Variants in LRPAP1 observed in about 807,000 individuals in gnomAD.
The protein encoded by LRPAP1 is alpha-2-macroglobulin receptor-associated protein.
Under a neutral mutation model 39.9 loss-of-function variants are expected in LRPAP1, and 41 were observed. The observed-to-expected ratio is 1.03, with a 90% CI of 0.80 to 1.33. LRPAP1 has a LOEUF of 1.33. LRPAP1 is among the 40% of genes most tolerant of loss of function. The pLI is 0.00. For synonymous variants in LRPAP1, 263 were observed against 212.7 expected (o/e 1.24, Z -2.06); for missense variants, 565 against 482.3 (o/e 1.17, Z -1.61).
intron 5 of LRPAP1, among the ~76,000 whole-genome samples, chr4:3,517,379 C>T (rs956601838): frequency 7.9e-5 from 12 of 152,372 alleles, no homozygotes; most frequent in Admixed American, 7.2e-4. Context: ...CATCTCCTGG[C>T]GGCTGCTGTC....
chr4:3,522,816 C>T (rs1334625682), intron 2 of LRPAP1, among the ~76,000 whole-genome samples: 2 of 152,152 alleles, frequency 1.3e-5, no homozygotes, highest in African/African-American at 4.8e-5. Flanking sequence ...CAGAGCAGAG[C>T]AGGGCAGGGC....
intron 1 of LRPAP1, chr4:3,531,913 C>A: frequency 2.0e-6 from 1 of 505,536 alleles, no homozygotes; most frequent in East Asian, 3.6e-5. Context: ...TGGTTCTGTC[C>A]CTACGCTCGG....
Position 3,508,220 on chromosome 4 carries a change from G to C in LRPAP1, c.*4754C>G, listed in dbSNP as rs760040875. 1.3e-5 allele frequency: 2 copies of C among 152,096 alleles called. No individual in the cohort carries two copies. The highest frequency in any genetic ancestry group is 2.9e-5 in the Non-Finnish European group (2 of 68,040). The allele number at this position is 152,096 out of a possible 1,614,324, so 9.4% of individuals were successfully genotyped here. The stretch of plus-strand genomic sequence containing the variant: ...GGGGTTTCACCATGTTGACTAGGTT[G>C]GTCTCAAACTCCTGACCTCAGGTGA... On this transcript the variant is annotated 3_prime_UTR_variant, in exon 8 of 8. Coordinates refer to ENST00000650182, the MANE Select transcript of LRPAP1 (RefSeq NM_002337.4).
At chr4:3,531,390 CAG>C (rs58965095) in intron 1 of LRPAP1, among the ~76,000 whole-genome samples, 15,709 of 152,210 alleles carry the variant, frequency 0.1, 1,015 homozygotes, top group East Asian at 0.24. Flanking sequence ...ACTATTGAGA[CAG>C]AGATCTAATC....
rs557136133 is a variant in LRPAP1, at chr4:3,524,644, C to T, written c.349+263G>A. 2.0e-5 allele frequency among the ~76,000 whole-genome samples: 3 copies of T among 152,376 alleles called. No homozygotes were observed. In the East Asian group the frequency reaches 5.8e-4, roughly 29 times the overall value. ...GCGTAGCCCACAGCACTGAGGCGAG[C>T]AGCCACCATCCCTCATGAGGGTTAG... is the stretch of plus-strand genomic sequence containing the variant. On this transcript the variant is annotated intron_variant, in intron 2 of 7. Transcript: ENST00000650182.
rs1238356930 is a variant in LRPAP1, at chr4:3,510,740, AGCAGATACAC to A, written c.*2224_*2233del. ...GAATCTCAGATGCTGAGCGAATGTA[AGCAGATACAC>A]GCAGACATACACAGACGCACGCAAA... On this transcript the variant is annotated 3_prime_UTR_variant, in exon 8 of 8. Transcript: ENST00000650182. 2 of 152,174 alleles carry A rather than the reference AGCAGATACAC, an allele frequency of 1.3e-5. No homozygotes were observed. The highest frequency in any genetic ancestry group is 3.8e-4 in the East Asian group (2 of 5,202). 9.4% of individuals were successfully genotyped at this position (152,174 alleles called of 1,614,324 possible). A position where few individuals can be genotyped will look rare whatever the true frequency, so the allele number is the denominator to read the frequency against.
At chr4:3,514,994 G>A (rs1729649709) in intron 6 of LRPAP1, 66 bp from the exon 7 acceptor site, 7 of 1,567,546 alleles carry the variant, frequency 4.5e-6, no homozygotes, top group South Asian at 1.1e-5. Context: ...TGTGGTCCCG[G>A]GTGAACTGCA....
At chr4:3,527,430 G>A (rs1000281552) in intron 1 of LRPAP1, among the ~76,000 whole-genome samples, 8 of 150,408 alleles carry the variant, frequency 5.3e-5, no homozygotes, top group African/African-American at 1.5e-4. Context: ...TGCCTCAGGA[G>A]GAGGGGGAGC....
intron 1 of LRPAP1, chr4:3,531,851 A>T: frequency 3.1e-6 from 1 of 322,994 alleles, no homozygotes; most frequent in Non-Finnish European, 5.7e-6. Flanking sequence ...TAGGGAGATA[A>T]GGTTGAGGGA....
At chr4:3,522,840 GC>G (rs910020355) in intron 2 of LRPAP1, among the ~76,000 whole-genome samples, 3 of 152,120 alleles carry the variant, frequency 2.0e-5, no homozygotes, top group Non-Finnish European at 2.9e-5. Flanking sequence ...GTGGAGCGTG[GC>G]CCGTCTGTCT....
At chr4:3,528,271 C>G (rs940158975) in intron 1 of LRPAP1, among the ~76,000 whole-genome samples, 1 of 152,236 alleles carries the variant, frequency 6.6e-6, no homozygotes, top group African/African-American at 2.4e-5. Flanking sequence ...TACATGCAGG[C>G]AAGAAAGCCG....
At position 3,512,256 on chromosome 4, in the gene LRPAP1, A is replaced by C. The variant is rs1178600150; in HGVS notation, c.*718T>G. ...GATGGGGCATTTACACAGCACACTT[A>C]GGGACACGGAGGCCCTGCAGGTTTG... On this transcript the variant is annotated 3_prime_UTR_variant, in exon 8 of 8. Transcript: ENST00000650182. 1 of 152,414 alleles carries C rather than the reference A, an allele frequency of 6.6e-6. No individual in the cohort carries two copies. Among genetic ancestry groups the C allele is most frequent in the Non-Finnish European group, 1.5e-5 (1 of 68,184 alleles). 9.4% of individuals were successfully genotyped at this position (152,414 alleles called of 1,614,324 possible).
chr4:3,531,497 G>A (rs1414514594), intron 1 of LRPAP1, among the ~76,000 whole-genome samples: 2 of 152,122 alleles, frequency 1.3e-5, no homozygotes, highest in Non-Finnish European at 2.9e-5. Context: ...CCTAACAAAT[G>A]AAGCAACCGT....
intron 6 of LRPAP1, among the ~76,000 whole-genome samples, chr4:3,515,622 C>T (rs1729668018): frequency 6.6e-6 from 1 of 152,148 alleles, no homozygotes; most frequent in African/African-American, 2.4e-5. Flanking sequence ...ATGGACTCCC[C>T]ACTCCTCACA....
chr4:3,521,997 A>G (rs751040557), intron 2 of LRPAP1, among the ~76,000 whole-genome samples: 1 of 152,260 alleles, frequency 6.6e-6, no homozygotes, highest in Non-Finnish European at 1.5e-5. Flanking sequence ...TTAAATAAAT[A>G]ATACCGGCTG....
chr4:3,521,510 T>G (rs1366619453), intron 2 of LRPAP1, among the ~76,000 whole-genome samples: 1 of 152,020 alleles, frequency 6.6e-6, no homozygotes, highest in East Asian at 1.9e-4. Context: ...CTGGGGAGTG[T>G]CCCTGCTCGA....
intron 5 of LRPAP1, 169 bp downstream of exon 5, chr4:3,517,865 C>A: frequency 4.2e-6 from 3 of 717,982 alleles, no homozygotes; most frequent in South Asian, 4.8e-5. Context: ...GGAGCAGCTC[C>A]TGGGAGCGAG....
chr4:3,520,463 G>T (rs1032214456), intron 2 of LRPAP1, among the ~76,000 whole-genome samples: 1 of 152,178 alleles, frequency 6.6e-6, no homozygotes, highest in African/African-American at 2.4e-5. Flanking sequence ...GGGACACGCC[G>T]GCTGGAGTCC....
At chr4:3,525,246 T>G in intron 1 of LRPAP1, 195 bp from the exon 2 acceptor site, 1 of 608,872 alleles carries the variant, frequency 1.6e-6, no homozygotes, top group Non-Finnish European at 2.9e-6. Flanking sequence ...TCTCTAGGCC[T>G]GTCTGTATAC....
Sources: allele counts gnomAD v4.1 joint callset (sites outside exome capture counted in the v4.1 genomes callset), GRCh38; gene constraint gnomAD v4.1.1; transcripts MANE v1.5; gene names NCBI Gene and HGNC (gene_info 2026-07-23, HGNC 2026-07-21).